The following TNNT3 variants were observed in gnomAD, a reference collection of about 807,000 sequenced individuals.
TNNT3 encodes the protein troponin T, fast skeletal muscle.
TNNT3 carries 36 observed loss-of-function variants against 54.2 expected under a neutral mutation model. The observed-to-expected ratio is 0.66, with a 90% CI of 0.51 to 0.88. The LOEUF (loss-of-function observed/expected upper bound fraction) is 0.88, where lower values mean the gene tolerates loss of function less well. Among genes scored for constraint, TNNT3 ranks in the 40% least tolerant of loss-of-function variants. TNNT3 has a pLI of 0.00. For synonymous variants in TNNT3, 120 were observed against 109.7 expected, an observed-to-expected ratio of 1.09 and a Z score of -0.59; for missense variants, 291 against 331.6, an observed-to-expected ratio of 0.88 and a Z score of 0.95.
chr11:1,932,050 C>T lies in TNNT3; in HGVS notation c.126-419C>T, dbSNP rs113931635. Among the ~76,000 whole-genome samples, 1,297 of 152,314 alleles carry T rather than the reference C, an allele frequency of 8.5e-3. 14 individuals carry two copies. The highest frequency in any genetic ancestry group is 0.029 in the African/African-American group (1,222 of 41,574). ...CCCAGAGAGAAAGATGAAAGAGGGG[C>T]TGGGGAAAGGCACAGGCTCGCAGCA... On this transcript the variant is annotated intron_variant, in intron 8 of 15. Coordinates refer to ENST00000278317, the MANE Select transcript of TNNT3 (RefSeq NM_006757.4).
At chr11:1,931,958 G>A (rs1430455925) in intron 8 of TNNT3, among the ~76,000 whole-genome samples, 1 of 152,186 alleles carries the variant, frequency 6.6e-6, no homozygotes, top group Admixed American at 6.5e-5. Flanking sequence ...CACCCAGCCG[G>A]AGAGGGGGCC....
chr11:1,934,688 C>T lies in TNNT3; in HGVS notation c.590+33C>T, dbSNP rs180809847. On this transcript the variant is annotated intron_variant, in intron 13 of 15. Coordinates refer to ENST00000278317, the MANE Select transcript of TNNT3 (RefSeq NM_006757.4). Reference sequence around the variant, plus strand: ...GTGGGTGTTGTGGGGCTCAGCCCCACGGGGTGGCCCCTGCAGGAGCTGCCG... The same window carrying T: ...GTGGGTGTTGTGGGGCTCAGCCCCATGGGGTGGCCCCTGCAGGAGCTGCCG... The T allele has an allele frequency of 4.7e-5, 76 of 1,606,474 alleles. No individual in the cohort carries two copies. The Admixed American group carries it at 5.2e-4, about 11-fold the overall frequency.
Position 1,923,522 on chromosome 11 carries a change from C to T in TNNT3, c.32-33C>T, listed in dbSNP as rs760610444. 2.3e-5 allele frequency: 37 copies of T among 1,613,574 alleles called. No homozygotes were observed. In the East Asian group the frequency reaches 3.8e-4, roughly 17 times the overall value. On this transcript the variant is annotated intron_variant, in intron 3 of 15. Coordinates refer to ENST00000278317, the MANE Select transcript of TNNT3 (RefSeq NM_006757.4). The stretch of plus-strand genomic sequence containing the variant: ...TCCCTTCACGGGCTGCCCCTTCTAA[C>T]GTGGTTCCCCTCTTTGTTCTGTCCC...
intron 5 of TNNT3, 44 bp from the exon 6 acceptor site, chr11:1,926,651 C>G (rs1253133189): frequency 2.7e-5 from 44 of 1,613,168 alleles, no homozygotes; most frequent in Non-Finnish European, 3.7e-5. Context: ...CACTGGTCCT[C>G]TCTCTCTCCC....
chr11:1,930,478 G>C (rs1472451228), intron 8 of TNNT3, among the ~76,000 whole-genome samples: 1 of 152,188 alleles, frequency 6.6e-6, no homozygotes, highest in Non-Finnish European at 1.5e-5. Flanking sequence ...AGAGGAGCTT[G>C]TCCTCATCGC....
In TNNT3 at chr11:1,933,430, C is replaced by T. The variant is rs546958256; in HGVS notation, c.172-291C>T. The stretch of plus-strand genomic sequence containing the variant: ...TGCAGGGCATCTCTGAGGATGATGA[C>T]AGAGCCAAGTCAGGGCCAGTCCATC... On this transcript the variant is annotated intron_variant, in intron 9 of 15. Transcript: ENST00000278317. 3.0e-4 allele frequency among the ~76,000 whole-genome samples: 45 copies of T among 152,344 alleles called. 1 individual carries two copies. In the South Asian group the frequency reaches 5.2e-3, roughly 18 times the overall value.
intron 8 of TNNT3, 61 bp from the exon 9 acceptor site, chr11:1,932,408 G>A: frequency 6.4e-7 from 1 of 1,559,682 alleles, no homozygotes; most frequent in Non-Finnish European, 8.8e-7. Flanking sequence ...AAAGCGCCAG[G>A]CTGACCCTCT....
chr11:1,929,260 T>C (rs148800352), intron 7 of TNNT3, 117 bp downstream of exon 7: 3 of 1,326,476 alleles, frequency 2.3e-6, no homozygotes, highest in Non-Finnish European at 3.2e-6. Flanking sequence ...GTCCTCTTTC[T>C]CTTCCCCTGG....
At position 1,925,082 on chromosome 11, in the gene TNNT3, G is replaced by C; in HGVS notation, c.50-17G>C. On this transcript the variant is annotated splice_polypyrimidine_tract_variant and intron_variant, in intron 4 of 15. Coordinates refer to ENST00000278317, the MANE Select transcript of TNNT3 (RefSeq NM_006757.4). ...TCAACCCCGCCTTCTCCTGCTCCTG[G>C]CTTCTCCGGCTCTCAGAGGAAGCCC... 6.2e-7 allele frequency: 1 copy of C among 1,612,392 alleles called. No homozygotes were observed.
At chr11:1,934,184 C>A in intron 11 of TNNT3, 148 bp from the exon 12 acceptor site, 1 of 1,056,826 alleles carries the variant, frequency 9.5e-7, no homozygotes, top group Non-Finnish European at 1.4e-6. Context: ...CAAATCCTGG[C>A]CAAGACCTGG....
chr11:1,934,279 A>G (rs1589988684), intron 11 of TNNT3, 53 bp from the exon 12 acceptor site: 1 of 1,550,432 alleles, frequency 6.4e-7, no homozygotes, highest in East Asian at 2.3e-5. Flanking sequence ...GCCTGCCCAG[A>G]AAGCATAGCC....
chr11:1,929,416 C>G (rs1043198331), intron 7 of TNNT3, among the ~76,000 whole-genome samples: 4 of 152,220 alleles, frequency 2.6e-5, no homozygotes. Context: ...TGCCAGAGCC[C>G]GGGCCGGGCA....
chr11:1,924,097 C>A (rs940934003), intron 4 of TNNT3, among the ~76,000 whole-genome samples: 1 of 152,040 alleles, frequency 6.6e-6, no homozygotes, highest in Non-Finnish European at 1.5e-5. Flanking sequence ...TATCTTTCAG[C>A]CTCTTGGTCT....
At chr11:1,926,371 C>T (rs565026210) in intron 5 of TNNT3, 77 of 1,497,618 alleles carry the variant, frequency 5.1e-5, no homozygotes, top group African/African-American at 2.1e-4. Flanking sequence ...CCCTCGGCCT[C>T]GAGTGGCGAC....
At chr11:1,922,803 C>G (rs1031852116) in intron 1 of TNNT3, 54 bp from the exon 2 acceptor site, 2 of 1,574,896 alleles carry the variant, frequency 1.3e-6, no homozygotes, top group African/African-American at 1.4e-5. Flanking sequence ...CCAGGCAGCT[C>G]GTAACTCTCT....
rs75778708 is a variant in TNNT3 at position 1,934,147 on chromosome 11, C to A, written c.366+139C>A. On this transcript the variant is annotated intron_variant, in intron 11 of 15. Coordinates refer to ENST00000278317, the MANE Select transcript of TNNT3 (RefSeq NM_006757.4). The stretch of plus-strand genomic sequence containing the variant: ...TCAGAACCACTGGCTAAGGCCCCGG[C>A]GCCCTGCAGAACCCCTTGCCAGAAA... 20,326 of 1,141,560 alleles carry A rather than the reference C, an allele frequency of 0.018. 542 individuals carry two copies. Among genetic ancestry groups the A allele is most frequent in the African/African-American group, 0.099 (6,449 of 65,032 alleles). 70.7% of individuals were successfully genotyped at this position (1,141,560 alleles called of 1,614,324 possible). A position where few individuals can be genotyped will look rare whatever the true frequency, so the allele number is the denominator to read the frequency against.
intron 6 of TNNT3, among the ~76,000 whole-genome samples, chr11:1,927,200 G>T (rs1030694574): frequency 6.6e-6 from 1 of 152,204 alleles, no homozygotes; most frequent in Non-Finnish European, 1.5e-5. Flanking sequence ...GCAGGCTGAG[G>T]CCCAAGGTGG....
intron 4 of TNNT3, among the ~76,000 whole-genome samples, chr11:1,924,054 G>A (rs1419005407): frequency 6.6e-6 from 1 of 152,030 alleles, no homozygotes; most frequent in African/African-American, 2.4e-5. Context: ...CTCTCTGTGT[G>A]CCTGTGTATC....
At position 1,926,577 on chromosome 11, in the gene TNNT3, G is replaced by A. The variant is rs1405663839; in HGVS notation, c.68-118G>A. On this transcript the variant is annotated intron_variant, in intron 5 of 15. Transcript: ENST00000278317. ...AAGAGGGGCCGCGTAACCCTGCACA[G>A]CCTGGCCTGCTCGCTCCGCCGCCTC... 3.1e-6 allele frequency: 5 copies of A among 1,607,252 alleles called. No individual in the cohort carries two copies. The African/African-American group carries it at 6.7e-5, about 21-fold the overall frequency.
Sources: gnomAD v4.1 joint callset for allele counts (sites outside exome capture counted in the v4.1 genomes callset) on GRCh38, gnomAD v4.1.1 for gene constraint, MANE v1.5 for transcripts, NCBI Gene and HGNC (gene_info 2026-07-23, HGNC 2026-07-21) for gene names.